PLXDC1: variants seen among roughly 807,000 people sequenced by gnomAD.
PLXDC1 encodes plexin domain containing 1, also known as plexin domain-containing protein 1.
In PLXDC1, 39 loss-of-function variants were observed where a neutral mutation model predicts 61.3. That is an observed-to-expected ratio of 0.64 (90% confidence interval 0.49 to 0.83). The LOEUF (loss-of-function observed/expected upper bound fraction) is 0.83. Among genes scored for constraint, PLXDC1 ranks in the 40% least tolerant of loss-of-function variants. The pLI, the probability that PLXDC1 is intolerant of heterozygous loss-of-function variation, is 0.00. For synonymous variants in PLXDC1, 212 were observed against 254.5 expected (o/e 0.83, Z 1.59); for missense variants, 596 against 666.5 (o/e 0.89, Z 1.17).
chr17:39,109,143 C>A, intron 3 of PLXDC1, 105 bp downstream of exon 3: 2 of 1,452,374 alleles, frequency 1.4e-6, no homozygotes, highest in South Asian at 2.6e-5. Flanking sequence ...AGGTACCTCC[C>A]AGGTCACAGA....
chr17:39,141,574 T>A (rs1300894121), intron 1 of PLXDC1, among the ~76,000 whole-genome samples: 1 of 152,240 alleles, frequency 6.6e-6, no homozygotes, highest in Non-Finnish European at 1.5e-5. Context: ...TTTTAGCTAT[T>A]GTGAACAATG....
At position 39,067,316 on chromosome 17, in the gene PLXDC1, A is replaced by C. The variant is rs2143187043; in HGVS notation, c.*524T>G. 6.5e-6 allele frequency: 1 copy of C among 153,208 alleles called. No homozygotes were observed. Among genetic ancestry groups the C allele is most frequent in the East Asian group, 1.9e-4 (1 of 5,188 alleles). The allele number at this position is 153,208 out of a possible 1,614,324, so 9.5% of individuals were successfully genotyped here. On this transcript the variant is annotated 3_prime_UTR_variant, in exon 14 of 14. Transcript: ENST00000315392. ...CAGCAAGGGTCCAGGGGAGGTTTGCAGAACTTCTTTGTCCTTGGCTAACAG... is the reference window on the plus strand; with the variant it reads ...CAGCAAGGGTCCAGGGGAGGTTTGCCGAACTTCTTTGTCCTTGGCTAACAG...
chr17:39,110,240 C>T (rs1170562560), intron 2 of PLXDC1, among the ~76,000 whole-genome samples: 2 of 152,054 alleles, frequency 1.3e-5, no homozygotes, highest in Non-Finnish European at 2.9e-5. Context: ...GAGGAGCAGA[C>T]ACAGACCCTC....
At chr17:39,096,962 CT>C in intron 7 of PLXDC1, 1 of 471,350 alleles carries the variant, frequency 2.1e-6, no homozygotes, top group Admixed American at 2.3e-5. Context: ...TTTGCAGACT[CT>C]GCTGAAAAGC....
At chr17:39,152,648 G>T, upstream of PLXDC1, 1 of 1,242,018 alleles carries the variant, frequency 8.1e-7, no homozygotes, top group Non-Finnish European at 1.0e-6. Flanking sequence ...CTAGAAAACC[G>T]CGGAGAGGAA....
chr17:39,149,531 C>T (rs988086209), intron 1 of PLXDC1, among the ~76,000 whole-genome samples: 1 of 152,212 alleles, frequency 6.6e-6, no homozygotes, highest in African/African-American at 2.4e-5. Flanking sequence ...TTAAGTCTAA[C>T]CTCTATCCCT....
At chr17:39,095,738 C>T (rs1459555947) in intron 7 of PLXDC1, among the ~76,000 whole-genome samples, 2 of 151,948 alleles carry the variant, frequency 1.3e-5, no homozygotes, top group Non-Finnish European at 2.9e-5. Flanking sequence ...AATCTCAGCT[C>T]ACTGCAGCCT....
chr17:39,126,110 C>T (rs9912841), intron 2 of PLXDC1, among the ~76,000 whole-genome samples: 5,100 of 152,080 alleles, frequency 0.034, 124 homozygotes, highest in African/African-American at 0.058. Flanking sequence ...AAAAATTAGC[C>T]GGATGTGGTG....
At chr17:39,103,782 G>T (rs954250602) in intron 7 of PLXDC1, among the ~76,000 whole-genome samples, 1 of 148,808 alleles carries the variant, frequency 6.7e-6, no homozygotes, top group African/African-American at 2.5e-5. Context: ...GGAGGCAAAG[G>T]TTGCAGTGAG....
chr17:39,133,968 G>T lies in PLXDC1; in HGVS notation c.255+5686C>A, dbSNP rs574810469. On this transcript the variant is annotated intron_variant, in intron 2 of 13. Coordinates refer to ENST00000315392, the MANE Select transcript of PLXDC1 (RefSeq NM_020405.5). ...TGCAGGAGGTGATAAGTAATACGGA[G>T]AAAAATAGGCCAGGTGCAGTGGCTC... is the stretch of plus-strand genomic sequence containing the variant. 5.3e-5 allele frequency among the ~76,000 whole-genome samples: 8 copies of T among 149,910 alleles called. No homozygotes were observed. The South Asian group carries it at 1.8e-3, about 34-fold the overall frequency.
chr17:39,095,920 C>A (rs1056257810), intron 7 of PLXDC1, among the ~76,000 whole-genome samples: 1 of 152,206 alleles, frequency 6.6e-6, no homozygotes, highest in African/African-American at 2.4e-5. Flanking sequence ...CCGCCTCGGC[C>A]TCTCAAAGTG....
chr17:39,109,461 T>C, intron 2 of PLXDC1, 70 bp from the exon 3 acceptor site: 3 of 1,514,708 alleles, frequency 2.0e-6, no homozygotes, highest in Non-Finnish European at 2.7e-6. Flanking sequence ...CTCTCCGCCC[T>C]TCCCCACTCA....
chr17:39,137,933 C>T (rs1911808835), intron 2 of PLXDC1, among the ~76,000 whole-genome samples: 1 of 151,924 alleles, frequency 6.6e-6, no homozygotes, highest in Non-Finnish European at 1.5e-5. Context: ...CCTGAATTAT[C>T]TTATTTTCTT....
At chr17:39,108,625 C>G in intron 4 of PLXDC1, 1 of 528,518 alleles carries the variant, frequency 1.9e-6, no homozygotes, top group East Asian at 3.2e-5. Flanking sequence ...GTCTCCCTCT[C>G]CCTCTTATTC....
At chr17:39,097,471 A>T (rs530860201) in intron 7 of PLXDC1, among the ~76,000 whole-genome samples, 1 of 152,148 alleles carries the variant, frequency 6.6e-6, no homozygotes, top group African/African-American at 2.4e-5. Flanking sequence ...CCTTAGCCAC[A>T]TAAAAGCCAT....
chr17:39,152,771 A>T (rs1597665253), upstream of PLXDC1: 21 of 135,134 alleles, frequency 1.6e-4, no homozygotes, highest in Non-Finnish European at 2.4e-4. Context: ...CACTGAGGTT[A>T]AAAAAAAAAA....
At chr17:39,091,693 T>C (rs1476003647) in intron 7 of PLXDC1, among the ~76,000 whole-genome samples, 2 of 152,104 alleles carry the variant, frequency 1.3e-5, no homozygotes, top group African/African-American at 2.4e-5. Context: ...AAGTTGGCTG[T>C]ACACCTGTAA....
intron 7 of PLXDC1, among the ~76,000 whole-genome samples, chr17:39,089,923 G>A (rs150363840): frequency 0.013 from 1,904 of 152,054 alleles, 46 homozygotes; most frequent in African/African-American, 0.044. Context: ...TCAGCCTCCC[G>A]AGTAGCTGGG....
intron 7 of PLXDC1, chr17:39,097,035 AC>A (rs1910234159): frequency 2.1e-6 from 1 of 470,722 alleles, no homozygotes; most frequent in Non-Finnish European, 4.4e-6. Context: ...AGCCTCTTCT[AC>A]CCTCTCCCCC....
Sources: gnomAD v4.1 joint callset for allele counts (sites outside exome capture counted in the v4.1 genomes callset) on GRCh38, gnomAD v4.1.1 for gene constraint, MANE v1.5 for transcripts, NCBI Gene and HGNC (gene_info 2026-07-23, HGNC 2026-07-21) for gene names.